The following PCDH9 variants were observed in gnomAD, a reference collection of about 807,000 sequenced individuals.
The protein encoded by PCDH9 is protocadherin 9.
In PCDH9, 24 loss-of-function variants were observed where a neutral mutation model predicts 70.6. The ratio of observed to expected loss-of-function variants is 0.34; its 90% CI spans 0.25 to 0.48. The LOEUF is 0.48. PCDH9 is among the 20% of genes least tolerant of loss of function. PCDH9 has a pLI of 0.99. For missense variants in PCDH9, 1,281 were observed against 1,503.6 expected (o/e 0.85, Z 2.45); for synonymous variants, 562 against 558.5 (o/e 1.01, Z -0.09).
At chr13:66,930,930 T>C (rs1487389010) in intron 2 of PCDH9, among the ~76,000 whole-genome samples, 3 of 152,188 alleles carry the variant, frequency 2.0e-5, no homozygotes, top group Non-Finnish European at 2.9e-5. Context: ...GTGATTAAAC[T>C]GTCTACCAGA....
rs574696971 is a variant in PCDH9, at chr13:67,221,222, C to T, written c.3036+4183G>A. 7.9e-5 allele frequency: 12 copies of T among 151,756 alleles called. No homozygotes were observed. In the South Asian group the frequency reaches 2.5e-3, roughly 32 times the overall value. The allele number at this position is 151,756 out of a possible 1,614,324, so 9.4% of individuals were successfully genotyped here. Reference sequence around the variant, plus strand: ...AGCCTCACATTAGTTAACATTTGCCCCCTTCACTTTCAATTGCATTTTTTC... The same window carrying T: ...AGCCTCACATTAGTTAACATTTGCCTCCTTCACTTTCAATTGCATTTTTTC... On this transcript the variant is annotated intron_variant, in intron 2 of 4. Coordinates refer to ENST00000377865, the MANE Select transcript of PCDH9 (RefSeq NM_203487.3).
intron 3 of PCDH9, among the ~76,000 whole-genome samples, chr13:66,823,492 A>T (rs2080752926): frequency 6.6e-6 from 1 of 152,012 alleles, no homozygotes; most frequent in Non-Finnish European, 1.5e-5. Context: ...ATATATGCAG[A>T]CACTAATATA....
chr13:66,419,308 T>C (rs1365634649), intron 4 of PCDH9, among the ~76,000 whole-genome samples: 3 of 152,020 alleles, frequency 2.0e-5, no homozygotes, highest in Non-Finnish European at 4.4e-5. Flanking sequence ...AATAAAATAC[T>C]GGCAAACCAA....
chr13:66,942,845 G>A (rs998706495), intron 2 of PCDH9, among the ~76,000 whole-genome samples: 3 of 152,082 alleles, frequency 2.0e-5, no homozygotes, highest in African/African-American at 4.8e-5. Flanking sequence ...TAAATGGCCT[G>A]AGCCAAGTGT....
intron 2 of PCDH9, among the ~76,000 whole-genome samples, chr13:67,076,008 G>A (rs1012844575): frequency 6.6e-6 from 1 of 152,024 alleles, no homozygotes; most frequent in Non-Finnish European, 1.5e-5. Flanking sequence ...CATACCAAAG[G>A]TTTAATCAAA....
At chr13:67,052,547 G>A (rs563550695) in intron 2 of PCDH9, among the ~76,000 whole-genome samples, 1 of 151,788 alleles carries the variant, frequency 6.6e-6, no homozygotes, top group East Asian at 2.0e-4. Context: ...GATCAATCTA[G>A]CAGCAGCTGA....
chr13:67,209,985 A>G (rs1007242563), intron 2 of PCDH9: 3 of 152,072 alleles, frequency 2.0e-5, no homozygotes, highest in Non-Finnish European at 4.4e-5. Flanking sequence ...TGTCCTGATA[A>G]CTAACATTAT....
intron 4 of PCDH9, among the ~76,000 whole-genome samples, chr13:66,377,960 G>GTAA (rs1956779134): frequency 6.6e-6 from 1 of 152,086 alleles, no homozygotes; most frequent in Admixed American, 6.5e-5. Flanking sequence ...CAACATTTCA[G>GTAA]TAATAGTTCC....
intron 4 of PCDH9, among the ~76,000 whole-genome samples, chr13:66,590,757 A>T (rs2077028654): frequency 6.6e-6 from 1 of 151,922 alleles, no homozygotes; most frequent in Non-Finnish European, 1.5e-5. Flanking sequence ...AAAACTAAGT[A>T]CAAAAGAGTA....
intron 2 of PCDH9, among the ~76,000 whole-genome samples, chr13:67,063,401 G>A (rs1360558739): frequency 1.3e-5 from 2 of 152,050 alleles, no homozygotes; most frequent in African/African-American, 4.8e-5. Flanking sequence ...TGCTAAGCTT[G>A]GGGAGGTGCT....
At chr13:66,949,558 A>G (rs2083143973) in intron 2 of PCDH9, among the ~76,000 whole-genome samples, 2 of 152,102 alleles carry the variant, frequency 1.3e-5, no homozygotes, top group East Asian at 1.9e-4. Flanking sequence ...GCTCCTAACT[A>G]AAAATATCTC....
chr13:66,393,750 G>C (rs1388889554), intron 4 of PCDH9, among the ~76,000 whole-genome samples: 1 of 152,198 alleles, frequency 6.6e-6, no homozygotes, highest in African/African-American at 2.4e-5. Context: ...ATAAGGACTT[G>C]TTTCCAGAGG....
At chr13:66,603,011 C>T (rs2077181550) in intron 4 of PCDH9, among the ~76,000 whole-genome samples, 1 of 145,714 alleles carries the variant, frequency 6.9e-6, no homozygotes, top group Admixed American at 6.9e-5. Flanking sequence ...TAGGCGATAC[C>T]ATCTAGGTTT....
chr13:66,362,451 T>G (rs762429936), intron 4 of PCDH9, among the ~76,000 whole-genome samples: 1 of 152,102 alleles, frequency 6.6e-6, no homozygotes, highest in South Asian at 2.1e-4. Context: ...ACAGATATCT[T>G]ACTGTGATTC....
At chr13:66,396,018 G>A (rs1028364844) in intron 4 of PCDH9, among the ~76,000 whole-genome samples, 1 of 152,110 alleles carries the variant, frequency 6.6e-6, no homozygotes, top group Non-Finnish European at 1.5e-5. Flanking sequence ...ATTGAAGGAG[G>A]CAGATATAAA....
chr13:66,451,712 T>A (rs1469452403), intron 4 of PCDH9, among the ~76,000 whole-genome samples: 1 of 152,102 alleles, frequency 6.6e-6, no homozygotes, highest in Non-Finnish European at 1.5e-5. Flanking sequence ...GGACTAAAAA[T>A]CAAGTGTTTT....
intron 4 of PCDH9, among the ~76,000 whole-genome samples, chr13:66,371,602 A>G (rs1289526521): frequency 6.6e-6 from 1 of 152,020 alleles, no homozygotes; most frequent in African/African-American, 2.4e-5. Context: ...AAAACTCCTT[A>G]AAATTTATTT....
At chr13:66,568,994 C>CTTTT (rs61067249) in intron 4 of PCDH9, among the ~76,000 whole-genome samples, 630 of 58,294 alleles carry the variant, frequency 0.011, 132 homozygotes, top group African/African-American at 0.038. Context: ...GGAAACATGT[C>CTTTT]TTTTTTTTTT....
At chr13:66,361,059 A>C (rs1024849315) in intron 4 of PCDH9, among the ~76,000 whole-genome samples, 1 of 152,090 alleles carries the variant, frequency 6.6e-6, no homozygotes, top group African/African-American at 2.4e-5. Flanking sequence ...CTGATGATGT[A>C]ATCTGCATAA....
Sources: gnomAD v4.1 joint callset for allele counts (sites outside exome capture counted in the v4.1 genomes callset) on GRCh38, gnomAD v4.1.1 for gene constraint, MANE v1.5 for transcripts, NCBI Gene and HGNC (gene_info 2026-07-23, HGNC 2026-07-21) for gene names.